FRMD5: variants seen among roughly 807,000 people sequenced by gnomAD.
FRMD5 encodes FERM domain-containing protein 5.
A neutral mutation model predicts 69.0 loss-of-function variants in FRMD5; 20 were observed. That is an observed-to-expected ratio of 0.29 (90% CI 0.20 to 0.42). The LOEUF (loss-of-function observed/expected upper bound fraction) is 0.42. FRMD5 is among the 10% of genes least tolerant of loss of function. The pLI is 1.00. For synonymous variants in FRMD5, 271 were observed against 260.1 expected (o/e 1.04, Z -0.40); for missense variants, 595 against 708.6 (o/e 0.84, Z 1.82).
At chr15:44,074,458 G>C (rs1257530462) in intron 1 of FRMD5, among the ~76,000 whole-genome samples, 1 of 151,522 alleles carries the variant, frequency 6.6e-6, no homozygotes, top group African/African-American at 2.4e-5. Flanking sequence ...TAATTAACAT[G>C]ATCTTTGGCA....
chr15:44,130,678 C>T (rs1010084122), intron 1 of FRMD5, among the ~76,000 whole-genome samples: 8 of 152,028 alleles, frequency 5.3e-5, no homozygotes, highest in South Asian at 2.1e-4. Flanking sequence ...CAGGGCAGCA[C>T]CTGTTTACAG....
At chr15:44,117,847 T>A (rs1275596961) in intron 1 of FRMD5, among the ~76,000 whole-genome samples, 1 of 152,162 alleles carries the variant, frequency 6.6e-6, no homozygotes, top group Admixed American at 6.5e-5. Flanking sequence ...TAAAAGGAAT[T>A]TCTAAATAAA....
At chr15:44,061,167 T>C (rs186284574) in intron 1 of FRMD5, among the ~76,000 whole-genome samples, 1 of 152,330 alleles carries the variant, frequency 6.6e-6, no homozygotes, top group East Asian at 1.9e-4. Context: ...TCCCTACTCT[T>C]ATGTGATTTA....
intron 1 of FRMD5, among the ~76,000 whole-genome samples, chr15:43,961,402 G>A (rs959527307): frequency 7.2e-5 from 11 of 152,142 alleles, no homozygotes; most frequent in Non-Finnish European, 1.5e-4. Flanking sequence ...TGAAATTGAG[G>A]CAATAATTAA....
chr15:44,039,206 G>T (rs574506019), intron 1 of FRMD5, among the ~76,000 whole-genome samples: 83 of 152,184 alleles, frequency 5.5e-4, no homozygotes, highest in Non-Finnish European at 1.1e-3. Flanking sequence ...CATCTCCCTG[G>T]GACAGAGCAC....
chr15:44,013,168 T>C lies in FRMD5; in HGVS notation c.103-88859A>G, dbSNP rs139699478. Among the ~76,000 whole-genome samples, 297 of 152,312 alleles carry C rather than the reference T, an allele frequency of 1.9e-3. 5 individuals are homozygous for C. The East Asian group carries it at 0.032, about 16-fold the overall frequency. Reference sequence around the variant, plus strand: ...CTTTGAGAAGCTGAGGCAGGATGACTGCTTGAGGCGAGGAGTTTAAGACCA... The same window carrying C: ...CTTTGAGAAGCTGAGGCAGGATGACCGCTTGAGGCGAGGAGTTTAAGACCA... On this transcript the variant is annotated intron_variant, in intron 1 of 13. Coordinates refer to ENST00000417257, the MANE Select transcript of FRMD5 (RefSeq NM_032892.5).
chr15:44,143,924 C>CAAA (rs58823511), intron 1 of FRMD5, among the ~76,000 whole-genome samples: 18,583 of 92,528 alleles, frequency 0.2, 2,429 homozygotes, highest in South Asian at 0.35. Flanking sequence ...ACTCTGTCAC[C>CAAA]AAAAAAAAAA....
intron 1 of FRMD5, among the ~76,000 whole-genome samples, chr15:44,060,570 T>G (rs1893049574): frequency 6.6e-6 from 1 of 152,164 alleles, no homozygotes; most frequent in Admixed American, 6.5e-5. Context: ...GTCAAAATAT[T>G]TGGGGCAGAA....
At chr15:43,949,298 C>T (rs964720403) in intron 1 of FRMD5, among the ~76,000 whole-genome samples, 1 of 152,220 alleles carries the variant, frequency 6.6e-6, no homozygotes, top group Non-Finnish European at 1.5e-5. Context: ...ACCATCTATG[C>T]TCACTGTCCA....
At chr15:44,026,663 G>A (rs1274438246) in intron 1 of FRMD5, among the ~76,000 whole-genome samples, 6 of 152,188 alleles carry the variant, frequency 3.9e-5, no homozygotes, top group African/African-American at 1.2e-4. Flanking sequence ...GTTTGAGCAT[G>A]ATGAAATGAT....
intron 11 of FRMD5, chr15:43,885,063 G>T: frequency 2.5e-6 from 1 of 400,590 alleles, no homozygotes; most frequent in Non-Finnish European, 4.5e-6. Context: ...TTTCCAGCAT[G>T]TTCCAATTAC....
chr15:43,981,727 A>G (rs141885278), intron 1 of FRMD5, among the ~76,000 whole-genome samples: 40 of 152,296 alleles, frequency 2.6e-4, no homozygotes, highest in African/African-American at 8.4e-4. Flanking sequence ...TCTCATGTCA[A>G]TTTGCTTTCT....
chr15:43,942,505 G>C (rs1480870005), intron 1 of FRMD5, among the ~76,000 whole-genome samples: 12 of 152,098 alleles, frequency 7.9e-5, no homozygotes. Flanking sequence ...CAGATTTTGT[G>C]GAGGGTTTTA....
intron 7 of FRMD5, among the ~76,000 whole-genome samples, chr15:43,901,579 G>C (rs2089046047): frequency 6.6e-6 from 1 of 152,202 alleles, no homozygotes; most frequent in Non-Finnish European, 1.5e-5. Context: ...GCCACAGAGA[G>C]AGACTGGAAG....
chr15:44,180,267 C>G (rs2077974602), intron 1 of FRMD5, among the ~76,000 whole-genome samples: 1 of 151,946 alleles, frequency 6.6e-6, no homozygotes, highest in Admixed American at 6.6e-5. Context: ...ATATAAAGCA[C>G]TTAGCACAGA....
intron 1 of FRMD5, among the ~76,000 whole-genome samples, chr15:44,128,373 G>C (rs957701897): frequency 6.6e-6 from 1 of 152,164 alleles, no homozygotes; most frequent in African/African-American, 2.4e-5. Flanking sequence ...CCAGCTGCTG[G>C]GGAGACTGAG....
At chr15:44,068,759 CT>C (rs1468408126) in intron 1 of FRMD5, among the ~76,000 whole-genome samples, 36 of 152,122 alleles carry the variant, frequency 2.4e-4, no homozygotes, top group South Asian at 2.1e-4. Context: ...ACATGTGAAT[CT>C]TGTGTTGAAA....
intron 13 of FRMD5, 148 bp downstream of exon 13, chr15:43,883,555 A>C: frequency 1.7e-6 from 1 of 605,648 alleles, no homozygotes; most frequent in Non-Finnish European, 3.0e-6. Context: ...TAATATTCCC[A>C]TCCACTGGAT....
At chr15:43,963,288 T>C (rs1017848582) in intron 1 of FRMD5, among the ~76,000 whole-genome samples, 32 of 152,076 alleles carry the variant, frequency 2.1e-4, no homozygotes, top group African/African-American at 7.0e-4. Context: ...TTTATGCAGC[T>C]AAAAAACACA....
Sources: allele counts gnomAD v4.1 joint callset (sites outside exome capture counted in the v4.1 genomes callset), GRCh38; gene constraint gnomAD v4.1.1; transcripts MANE v1.5; gene names NCBI Gene and HGNC (gene_info 2026-07-23, HGNC 2026-07-21).